Variants in HOXC9 observed in about 807,000 individuals in gnomAD.
HOXC9 encodes homeobox protein Hox-C9.
In HOXC9, 10 loss-of-function variants were observed where a neutral mutation model predicts 20.0. The ratio of observed to expected loss-of-function variants is 0.50; its 90% CI spans 0.31 to 0.85. The LOEUF is 0.85. Among genes scored for constraint, HOXC9 ranks in the 40% least tolerant of loss-of-function variants. The pLI is 0.05. For missense variants in HOXC9, 394 were observed against 376.7 expected, an observed-to-expected ratio of 1.05 and a Z score of -0.38; for synonymous variants, 200 against 163.7, an observed-to-expected ratio of 1.22 and a Z score of -1.69.
In HOXC9 at chr12:54,000,610, A is replaced by G. The variant is rs1939714954; in HGVS notation, c.422A>G (p.Tyr141Cys). The G allele has an allele frequency of 4.5e-6, 7 of 1,540,886 alleles. No individual in the cohort carries two copies. The highest frequency in any genetic ancestry group is 6.1e-6 in the Non-Finnish European group (7 of 1,149,506). ...GPGEGRSYPD[Y>C]MYGSPGELRD... ...GGGGAGGGCCGCAGCTACCCGGACTACATGTACGGCTCGCCCGGGGAGCTG... is the reference window on the plus strand; with the variant it reads ...GGGGAGGGCCGCAGCTACCCGGACTGCATGTACGGCTCGCCCGGGGAGCTG... The change falls in exon 1 of 2, where the codon TAC (tyrosine) becomes TGC (cysteine). Residue 141 changes from tyrosine (Y) to cysteine (C), a missense_variant. Tyr to Cys is a radical substitution (Grantham distance 194, BLOSUM62 -2). Transcript: ENST00000303450.
In HOXC9 at chr12:54,002,779, A is replaced by G; in HGVS notation, c.*105A>G. 1 of 1,327,362 alleles carries G rather than the reference A, an allele frequency of 7.5e-7. No homozygotes were observed. Among genetic ancestry groups the G allele is most frequent in the African/African-American group, 1.5e-5 (1 of 67,984 alleles). The allele number at this position is 1,327,362 out of a possible 1,614,324, so 82.2% of individuals were successfully genotyped here. A position where few individuals can be genotyped will look rare whatever the true frequency, so the allele number is the denominator to read the frequency against. On this transcript the variant is annotated 3_prime_UTR_variant, in exon 2 of 2. Coordinates refer to ENST00000303450, the MANE Select transcript of HOXC9 (RefSeq NM_006897.3). The stretch of plus-strand genomic sequence containing the variant: ...AGACGAAAAAGAAAAGGAAAGAGCA[A>G]GATAGACAAAAGCCAATCAGCTTAA...
intron 1 of HOXC9, among the ~76,000 whole-genome samples, chr12:54,001,995 A>G (rs1391312218): frequency 6.6e-6 from 1 of 152,002 alleles, no homozygotes; most frequent in Non-Finnish European, 1.5e-5. Flanking sequence ...CAGAACTGCT[A>G]AAATTTCAGG....
Position 54,000,702 on chromosome 12 carries a change from G to A in HOXC9, c.514G>A (p.Glu172Lys). The A allele has an allele frequency of 1.3e-6, 2 of 1,568,026 alleles. No individual in the cohort carries two copies. The highest frequency in any genetic ancestry group is 1.7e-6 in the Non-Finnish European group (2 of 1,163,208). Reference protein sequence around the residue: ...ADALAGSKHKEEKADLDPSNP... With the variant: ...ADALAGSKHKKEKADLDPSNP... The stretch of plus-strand genomic sequence containing the variant: ...CGCGCTCGCCGGCAGCAAGCACAAA[G>A]AGGAGAAGGCCGACCTGGACCCCAG... The change falls in exon 1 of 2, where the codon GAG (glutamate) becomes AAG (lysine). Residue 172 changes from glutamate to lysine, a missense_variant. Glu to Lys is a moderately conservative substitution (Grantham distance 56). Transcript: ENST00000303450.
intron 1 of HOXC9, 83 bp downstream of exon 1, chr12:54,000,809 C>G (rs557050114): frequency 7.8e-6 from 10 of 1,280,394 alleles, no homozygotes; most frequent in Admixed American, 6.3e-5. Flanking sequence ...ACAGCCCTCC[C>G]GAACCGTGCA....
Position 54,002,885 on chromosome 12 carries a change from G to T in HOXC9, c.*211G>T. 2.1e-6 allele frequency: 1 copy of T among 473,040 alleles called. No homozygotes were observed. The highest frequency in any genetic ancestry group is 3.4e-5 in the East Asian group (1 of 29,378). 29.3% of individuals were successfully genotyped at this position (473,040 alleles called of 1,614,324 possible). The stretch of plus-strand genomic sequence containing the variant: ...TTGAGATATTGGTGTTTTAGAGTTA[G>T]TTCTACCCAGCGAGGAGGAGGCGGG... On this transcript the variant is annotated 3_prime_UTR_variant, in exon 2 of 2. Transcript: ENST00000303450.
chr12:54,002,585 ACCGAG>A lies in HOXC9; in HGVS notation c.696_700del (p.Glu233AlafsTer18). 1 of 1,613,882 alleles carries A rather than the reference ACCGAG, an allele frequency of 6.2e-7. No individual in the cohort carries two copies. The highest frequency in any genetic ancestry group is 1.1e-5 in the South Asian group (1 of 91,076). On this transcript the variant is annotated frameshift_variant, in exon 2 of 2. Coordinates refer to ENST00000303450, the MANE Select transcript of HOXC9 (RefSeq NM_006897.3). LOFTEE classifies it high-confidence loss of function. Reference sequence around the variant, plus strand: ...TGAGGTGGCCCGGGTTCTCAATCTCACCGAGCGGCAGGTCAAAATCTGGTTTCAGA... The same window carrying A: ...TGAGGTGGCCCGGGTTCTCAATCTCACGGCAGGTCAAAATCTGGTTTCAGA...
At chr12:54,001,635 G>A (rs1249991857) in intron 1 of HOXC9, among the ~76,000 whole-genome samples, 1 of 152,062 alleles carries the variant, frequency 6.6e-6, no homozygotes, top group Admixed American at 6.5e-5. Context: ...GTCCCAGGAG[G>A]GGGCTGCAGG....
chr12:54,000,796 A>G (rs766327850), intron 1 of HOXC9, 70 bp downstream of exon 1: 35 of 1,347,478 alleles, frequency 2.6e-5, no homozygotes, highest in Non-Finnish European at 3.2e-5. Flanking sequence ...GGGCAGCCGA[A>G]TTACAGCCCT....
Position 54,002,470 on chromosome 12 carries a change from G to A in HOXC9, c.579G>A (p.Arg193=), listed in dbSNP as rs1939767787. 6.2e-7 allele frequency: 1 copy of A among 1,614,136 alleles called. No homozygotes were observed. Among genetic ancestry groups the A allele is most frequent in the Non-Finnish European group, 8.5e-7 (1 of 1,180,008 alleles). The change falls in exon 2 of 2, where the codon AGG becomes AGA. Residue 193 remains arginine, a synonymous_variant. Transcript: ENST00000303450. ...VANWIHARST[R]KKRCPYTKYQ... is the part of the protein sequence containing the mutation. Reference sequence around the variant, plus strand: ...ACTGGATTCACGCCCGCTCCACGAGGAAGAAGCGCTGCCCCTACACCAAGT... The same window carrying A: ...ACTGGATTCACGCCCGCTCCACGAGAAAGAAGCGCTGCCCCTACACCAAGT...
chr12:54,000,753 A>T, intron 1 of HOXC9, 27 bp downstream of exon 1: 1 of 1,479,674 alleles, frequency 6.8e-7, no homozygotes. Context: ...TTTCCTTTAC[A>T]ACCGGCGCGG....
At position 54,000,730 on chromosome 12, in the gene HOXC9, A is replaced by T; in HGVS notation, c.538+4A>T. ...GAGAAGGCCGACCTGGACCCCAGTA[A>T]GTTGGGAGCAATTTTCCTTTACAAC... On this transcript the variant is annotated splice_donor_region_variant and intron_variant, in intron 1 of 1. Coordinates refer to ENST00000303450, the MANE Select transcript of HOXC9 (RefSeq NM_006897.3). The T allele has an allele frequency of 6.6e-7, 1 of 1,515,980 alleles. No homozygotes were observed. Among genetic ancestry groups the T allele is most frequent in the African/African-American group, 1.4e-5 (1 of 69,072 alleles). 93.9% of individuals were successfully genotyped at this position (1,515,980 alleles called of 1,614,324 possible).
rs1407570013 is a variant in HOXC9 at position 54,000,353 on chromosome 12, C to T, written c.165C>T (p.Phe55=). Reference sequence around the variant, plus strand: ...GTAGCGATTTTCCGTCCTGTAGCTTCGCGCCCAAGCCGGCAGTGTTCAGCA... The same window carrying T: ...GTAGCGATTTTCCGTCCTGTAGCTTTGCGCCCAAGCCGGCAGTGTTCAGCA... ...PDCSDFPSCS[F]APKPAVFSTS... is the part of the protein sequence containing the mutation. The change falls in exon 1 of 2, where the codon TTC becomes TTT. Residue 55 remains phenylalanine, a synonymous_variant. Transcript: ENST00000303450. 2.5e-6 allele frequency: 4 copies of T among 1,613,926 alleles called. No individual in the cohort carries two copies. In the South Asian group the frequency reaches 3.3e-5, roughly 13 times the overall value.
Position 54,000,596 on chromosome 12 carries a change from C to A in HOXC9, c.408C>A (p.Arg136=). 1 of 1,533,488 alleles carries A rather than the reference C, an allele frequency of 6.5e-7. No homozygotes were observed. The allele number at this position is 1,533,488 out of a possible 1,614,324, so 95.0% of individuals were successfully genotyped here. ...CGGACTGCGGCCCAGGGGAGGGCCG[C>A]AGCTACCCGGACTACATGTACGGCT... ...RRADCGPGEG[R]SYPDYMYGSP... The change falls in exon 1 of 2, where the codon CGC becomes CGA. Residue 136 remains arginine, a synonymous_variant. Transcript: ENST00000303450.
Position 54,002,657 on chromosome 12 carries a change from G to T in HOXC9, c.766G>T (p.Asp256Tyr). 1 of 1,613,922 alleles carries T rather than the reference G, an allele frequency of 6.2e-7. No individual in the cohort carries two copies. The highest frequency in any genetic ancestry group is 8.5e-7 in the Non-Finnish European group (1 of 1,179,934). The change falls in exon 2 of 2, where the codon GAC becomes TAC. Residue 256 changes from aspartate (D) to tyrosine (Y), a missense_variant. Asp to Tyr is a radical substitution (Grantham distance 160, BLOSUM62 -3). Transcript: ENST00000303450. ...GAAAAAGATGAATAAAGAGAAAACC[G>T]ACAAGGAGCAGTCCTAAACCCTACC... is the stretch of plus-strand genomic sequence containing the variant. ...KMKKMNKEKT[D>Y]KEQS is the part of the protein sequence containing the mutation.
chr12:54,000,715 A>AC lies in HOXC9; in HGVS notation c.529dup (p.Leu177ProfsTer48). 1 of 1,543,056 alleles carries AC rather than the reference A, an allele frequency of 6.5e-7. No individual in the cohort carries two copies. The highest frequency in any genetic ancestry group is 8.7e-7 in the Non-Finnish European group (1 of 1,151,370). ...AGCAAGCACAAAGAGGAGAAGGCCG[A>AC]CCTGGACCCCAGTAAGTTGGGAGCA... On this transcript the variant is annotated frameshift_variant, in exon 1 of 2. Coordinates refer to ENST00000303450, the MANE Select transcript of HOXC9 (RefSeq NM_006897.3). LOFTEE classifies it high-confidence loss of function.
At position 54,000,388 on chromosome 12, in the gene HOXC9, C is replaced by T; in HGVS notation, c.200C>T (p.Ala67Val). 1.2e-6 allele frequency: 2 copies of T among 1,613,252 alleles called. No homozygotes were observed. Among genetic ancestry groups the T allele is most frequent in the East Asian group, 2.2e-5 (1 of 44,866 alleles). ...CCGGCAGTGTTCAGCACGTCGTGGG[C>T]GCCCGTGCCCTCTCAGTCGTCCGTG... ...PKPAVFSTSWAPVPSQSSVVY... is the reference protein window; with the variant it reads ...PKPAVFSTSWVPVPSQSSVVY... Residue 67 changes from alanine to valine, a missense_variant, in exon 1 of 2, where the codon GCG becomes GTG. Physicochemically the swap from Ala to Val is moderately conservative, Grantham distance 64 (BLOSUM62 0). Transcript: ENST00000303450.
rs1039039112 is a variant in HOXC9, at chr12:54,002,779, AG to A, written c.*106del. ...AGACGAAAAAGAAAAGGAAAGAGCA[AG>A]ATAGACAAAAGCCAATCAGCTTAAA... On this transcript the variant is annotated 3_prime_UTR_variant, in exon 2 of 2. Coordinates refer to ENST00000303450, the MANE Select transcript of HOXC9 (RefSeq NM_006897.3). 6.8e-6 allele frequency: 9 copies of A among 1,327,244 alleles called. No homozygotes were observed. The African/African-American group carries it at 1.3e-4, about 20-fold the overall frequency. 82.2% of individuals were successfully genotyped at this position (1,327,244 alleles called of 1,614,324 possible). A position where few individuals can be genotyped will look rare whatever the true frequency, so the allele number is the denominator to read the frequency against.
intron 1 of HOXC9, 126 bp from the exon 2 acceptor site, chr12:54,002,304 A>C: frequency 8.0e-7 from 1 of 1,249,742 alleles, no homozygotes; most frequent in Non-Finnish European, 1.1e-6. Context: ...TTCCTAAAGC[A>C]AAATGTGTCC....
In HOXC9 at chr12:54,000,234, A is replaced by C. The variant is rs1040546798; in HGVS notation, c.46A>C (p.Ile16Leu). Residue 16 changes from isoleucine to leucine, a missense_variant, in exon 1 of 2, where the codon ATC becomes CTC. Ile to Leu is a conservative substitution (Grantham distance 5). Transcript: ENST00000303450. ...CAGTAACTATTACGTGGACTCGCTC[A>C]TCTCTCACGACAATGAAGACCTCCT... ...PISNYYVDSL[I>L]SHDNEDLLAS... 1 of 1,614,088 alleles carries C rather than the reference A, an allele frequency of 6.2e-7. No individual in the cohort carries two copies.
Sources: allele counts gnomAD v4.1 joint callset (sites outside exome capture counted in the v4.1 genomes callset), GRCh38; gene constraint gnomAD v4.1.1; transcripts MANE v1.5; gene names NCBI Gene and HGNC (gene_info 2026-07-23, HGNC 2026-07-21).